Variants in CLEC16A observed in about 807,000 individuals in gnomAD.
The protein encoded by CLEC16A is C-type lectin domain containing 16A.
In CLEC16A, 51 loss-of-function variants were observed where a neutral mutation model predicts 109.5. That is an observed-to-expected ratio of 0.47 (90% CI 0.37 to 0.59). The LOEUF (loss-of-function observed/expected upper bound fraction) is 0.59, where lower values mean the gene tolerates loss of function less well. CLEC16A is among the 20% of genes least tolerant of loss of function. The pLI, the probability that CLEC16A is intolerant of heterozygous loss-of-function variation, is 0.00. For missense variants in CLEC16A, 1,339 were observed against 1,394.0 expected, an observed-to-expected ratio of 0.96 and a Z score of 0.63; for synonymous variants, 673 against 564.2, an observed-to-expected ratio of 1.19 and a Z score of -2.73.
At chr16:11,070,108 T>C (rs2048985949) in intron 19 of CLEC16A, among the ~76,000 whole-genome samples, 1 of 151,982 alleles carries the variant, frequency 6.6e-6, no homozygotes, top group African/African-American at 2.4e-5. Flanking sequence ...TCTCACCCTA[T>C]TGCCCAGGCT....
chr16:10,996,966 G>C (rs111482551), intron 10 of CLEC16A, among the ~76,000 whole-genome samples: 2 of 152,090 alleles, frequency 1.3e-5, no homozygotes, highest in African/African-American at 4.8e-5. Flanking sequence ...GGTGTTTTTT[G>C]TTTGTTTGTT....
chr16:10,948,145 G>C (rs1249629453), intron 1 of CLEC16A, among the ~76,000 whole-genome samples: 1 of 152,140 alleles, frequency 6.6e-6, no homozygotes, highest in African/African-American at 2.4e-5. Context: ...TGCCCTCCTT[G>C]ACCTCCCAAA....
At chr16:10,953,869 C>T (rs182298505) in intron 1 of CLEC16A, among the ~76,000 whole-genome samples, 4 of 151,826 alleles carry the variant, frequency 2.6e-5, no homozygotes, top group East Asian at 1.9e-4. Flanking sequence ...CCCAGCTATT[C>T]GGAAGGCTGA....
intron 19 of CLEC16A, among the ~76,000 whole-genome samples, chr16:11,099,554 T>C (rs1241059973): frequency 6.6e-6 from 1 of 152,260 alleles, no homozygotes; most frequent in Non-Finnish European, 1.5e-5. Context: ...GAAAGTCCTT[T>C]TGGGCAGCAG....
Position 11,178,229 on chromosome 16 carries a change from C to G in CLEC16A, c.2807-106C>G. 2 of 1,005,460 alleles carry G rather than the reference C, an allele frequency of 2.0e-6. No homozygotes were observed. Among genetic ancestry groups the G allele is most frequent in the Non-Finnish European group, 3.0e-6 (2 of 669,306 alleles). 62.3% of individuals were successfully genotyped at this position (1,005,460 alleles called of 1,614,324 possible). On this transcript the variant is annotated intron_variant, in intron 23 of 23. Transcript: ENST00000409790. The surrounding 1 kb of genome is among the most constrained non-coding windows in gnomAD (Gnocchi z 6.5). ...GAGCCCTCACGCCAGCCAGCCACCTCCCACCTAGCTCACCAGGGCCGCGGT... is the reference window on the plus strand; with the variant it reads ...GAGCCCTCACGCCAGCCAGCCACCTGCCACCTAGCTCACCAGGGCCGCGGT...
chr16:11,126,251 C>A (rs1280412409), intron 22 of CLEC16A, 105 bp downstream of exon 22: 1 of 1,566,184 alleles, frequency 6.4e-7, no homozygotes, highest in Non-Finnish European at 8.7e-7. Context: ...CTCTCAGAAG[C>A]CCCGTCGGCT....
chr16:11,120,006 T>C (rs918970364), intron 19 of CLEC16A, among the ~76,000 whole-genome samples: 8 of 152,096 alleles, frequency 5.3e-5, no homozygotes, highest in African/African-American at 1.9e-4. Context: ...GTTTTGCTCT[T>C]ATTGCCCAGG....
At position 11,062,019 on chromosome 16, in the gene CLEC16A, T is replaced by C. The variant is rs115858727; in HGVS notation, c.2116+997T>C. Among the ~76,000 whole-genome samples, 723 of 152,288 alleles carry C rather than the reference T, an allele frequency of 4.7e-3. 7 individuals carry two copies. Among genetic ancestry groups the C allele is most frequent in the Middle Eastern group, 0.031 (9 of 294 alleles). ...TCTCTTTCCCTTTAATTCTCTAAAG[T>C]CTGGGGTAGACGTGTTATTGGCCTA... On this transcript the variant is annotated intron_variant, in intron 19 of 23. Coordinates refer to ENST00000409790, the MANE Select transcript of CLEC16A (RefSeq NM_015226.3).
chr16:10,983,739 A>T (rs760781301), intron 10 of CLEC16A, among the ~76,000 whole-genome samples: 117 of 152,072 alleles, frequency 7.7e-4, no homozygotes, highest in Non-Finnish European at 1.4e-3. Flanking sequence ...CAGCTGCCTT[A>T]ATCCTGGTCT....
At chr16:11,130,497 G>C (rs1161925361) in intron 22 of CLEC16A, among the ~76,000 whole-genome samples, 1 of 152,160 alleles carries the variant, frequency 6.6e-6, no homozygotes, top group African/African-American at 2.4e-5. Context: ...ACAGATTTAG[G>C]TTGGTTGCAT....
At chr16:11,164,351 A>T (rs2054829212) in intron 22 of CLEC16A, among the ~76,000 whole-genome samples, 1 of 152,218 alleles carries the variant, frequency 6.6e-6, no homozygotes. Flanking sequence ...TTGCCTTTTA[A>T]GGAGCTGATC....
chr16:11,116,160 C>T (rs1039122659), intron 19 of CLEC16A, among the ~76,000 whole-genome samples: 5 of 151,908 alleles, frequency 3.3e-5, no homozygotes, highest in Non-Finnish European at 7.4e-5. Context: ...GAGGTCAAGG[C>T]AGGCGGATCA....
At chr16:11,141,300 C>G (rs991547528) in intron 22 of CLEC16A, among the ~76,000 whole-genome samples, 1 of 152,252 alleles carries the variant, frequency 6.6e-6, no homozygotes, top group African/African-American at 2.4e-5. Context: ...GTTCCTTCTT[C>G]CAGCCAGTGC....
intron 13 of CLEC16A, among the ~76,000 whole-genome samples, chr16:11,030,008 T>C (rs934773438): frequency 6.6e-6 from 1 of 152,252 alleles, no homozygotes; most frequent in Admixed American, 6.5e-5. Context: ...ATGTGGCTTC[T>C]TTCAATCCAC....
intron 7 of CLEC16A, among the ~76,000 whole-genome samples, chr16:10,976,242 C>T (rs1400247903): frequency 6.6e-6 from 1 of 151,954 alleles, no homozygotes; most frequent in East Asian, 1.9e-4. Context: ...AGCACTCCAG[C>T]CTAGGTAACA....
chr16:11,057,004 C>T (rs1252447390), intron 18 of CLEC16A: 2 of 152,196 alleles, frequency 1.3e-5, no homozygotes, highest in Non-Finnish European at 2.9e-5. Context: ...TCCAGTATTA[C>T]ATTATTTTCA....
chr16:11,020,364 G>T lies in CLEC16A; in HGVS notation c.1436+39G>T, dbSNP rs748778935. On this transcript the variant is annotated intron_variant, in intron 12 of 23. Coordinates refer to ENST00000409790, the MANE Select transcript of CLEC16A (RefSeq NM_015226.3). ...AGGTCGATGCTGAGTGCTCTCTCAG[G>T]GAAGAGGAGAGGGCTCAGTGGGGAG... is the stretch of plus-strand genomic sequence containing the variant. 1.7e-5 allele frequency: 27 copies of T among 1,566,664 alleles called. 2 individuals carry two copies. In the South Asian group the frequency reaches 3.0e-4, roughly 18 times the overall value.
At chr16:11,018,631 C>T (rs2045907649) in intron 11 of CLEC16A, among the ~76,000 whole-genome samples, 1 of 151,832 alleles carries the variant, frequency 6.6e-6, no homozygotes, top group Non-Finnish European at 1.5e-5. Flanking sequence ...TGCCTGTAGT[C>T]CCAGCTACTC....
intron 12 of CLEC16A, among the ~76,000 whole-genome samples, chr16:11,021,777 A>G (rs1051777284): frequency 2.6e-5 from 4 of 152,226 alleles, no homozygotes; most frequent in Admixed American, 2.0e-4. Context: ...AGCCTGGGCA[A>G]CAGAATGAGA....
Sources: gnomAD v4.1 joint callset for allele counts (sites outside exome capture counted in the v4.1 genomes callset) on GRCh38, gnomAD v4.1.1 for gene constraint, Gnocchi (gnomAD v3.1) non-coding constraint, MANE v1.5 for transcripts, NCBI Gene and HGNC (gene_info 2026-07-23, HGNC 2026-07-21) for gene names.